Variants in GALNT17 observed in about 807,000 individuals in gnomAD.
GALNT17 encodes the protein polypeptide N-acetylgalactosaminyltransferase 17, also known as UDP-GalNAc:polypeptide N-acetylgalactosaminyltransferase-like 3.
Under a neutral mutation model 63.7 loss-of-function variants are expected in GALNT17, and 29 were observed. The observed-to-expected ratio is 0.46, with a 90% CI of 0.34 to 0.62. The LOEUF (loss-of-function observed/expected upper bound fraction) is 0.62. GALNT17 is among the 20% of genes least tolerant of loss of function. The pLI, the probability that GALNT17 is intolerant of heterozygous loss-of-function variation, is 0.01. For synonymous variants in GALNT17, 305 were observed against 318.3 expected, an observed-to-expected ratio of 0.96 and a Z score of 0.45; for missense variants, 603 against 799.6, an observed-to-expected ratio of 0.75 and a Z score of 2.97.
At chr7:71,466,691 A>G (rs567713835) in intron 5 of GALNT17, among the ~76,000 whole-genome samples, 1 of 152,282 alleles carries the variant, frequency 6.6e-6, no homozygotes, top group South Asian at 2.1e-4. Context: ...TGGCTTCCAC[A>G]GTCCTCATCT....
At chr7:71,530,458 A>C (rs1454497442) in intron 5 of GALNT17, among the ~76,000 whole-genome samples, 2 of 152,186 alleles carry the variant, frequency 1.3e-5, no homozygotes, top group African/African-American at 4.8e-5. Flanking sequence ...GAACACCTAC[A>C]TCAGCAGCCT....
chr7:71,649,935 A>C (rs1359782905), intron 6 of GALNT17, among the ~76,000 whole-genome samples: 1 of 152,178 alleles, frequency 6.6e-6, no homozygotes, highest in East Asian at 1.9e-4. Context: ...CTTCTTTCCA[A>C]GGGGTATCTC....
At position 71,624,896 on chromosome 7, in the gene GALNT17, A is replaced by G. The variant is rs977870269; in HGVS notation, c.1081-40515A>G. ...GTGGATGCTTGTTTCTGCTTCATAC[A>G]TTTCATTCATCATTAGAGCAATGAC... On this transcript the variant is annotated intron_variant, in intron 6 of 10. Transcript: ENST00000333538. 3.3e-5 allele frequency among the ~76,000 whole-genome samples: 5 copies of G among 152,276 alleles called. No individual in the cohort carries two copies. In the South Asian group the frequency reaches 8.3e-4, roughly 25 times the overall value.
At chr7:71,500,399 C>T (rs1240950332) in intron 5 of GALNT17, among the ~76,000 whole-genome samples, 3 of 152,168 alleles carry the variant, frequency 2.0e-5, no homozygotes, top group Non-Finnish European at 4.4e-5. Flanking sequence ...AGACCCTATT[C>T]GTGGTCCTCC....
chr7:71,651,393 C>G (rs575831237), intron 6 of GALNT17, among the ~76,000 whole-genome samples: 41 of 151,468 alleles, frequency 2.7e-4, no homozygotes, highest in African/African-American at 8.7e-4. Flanking sequence ...ACCTCTGCCT[C>G]CCAGGTTTAA....
chr7:71,690,286 A>T (rs1385478009), intron 9 of GALNT17, among the ~76,000 whole-genome samples: 2 of 151,744 alleles, frequency 1.3e-5, no homozygotes, highest in African/African-American at 4.8e-5. Flanking sequence ...GGCCTCCCAA[A>T]GTGTTGGGAT....
chr7:71,187,527 T>G (rs1788873628), intron 1 of GALNT17, among the ~76,000 whole-genome samples: 1 of 152,122 alleles, frequency 6.6e-6, no homozygotes, highest in Non-Finnish European at 1.5e-5. Flanking sequence ...ACCAGTCATG[T>G]TTTTGAAGTA....
chr7:71,210,781 G>C (rs1375974147), intron 1 of GALNT17, among the ~76,000 whole-genome samples: 1 of 152,172 alleles, frequency 6.6e-6, no homozygotes, highest in Non-Finnish European at 1.5e-5. Context: ...AGTAGAAGCA[G>C]AAAGAGCGTT....
chr7:71,600,955 TC>T (rs1278818594), intron 6 of GALNT17, among the ~76,000 whole-genome samples: 1 of 152,012 alleles, frequency 6.6e-6, no homozygotes, highest in Non-Finnish European at 1.5e-5. Context: ...ATTGTATCAT[TC>T]TATGCCTTTG....
chr7:71,697,092 T>C (rs1455340793), intron 9 of GALNT17, among the ~76,000 whole-genome samples: 1 of 152,058 alleles, frequency 6.6e-6, no homozygotes, highest in African/African-American at 2.4e-5. Flanking sequence ...CCTCATATCA[T>C]CTATCAGACT....
chr7:71,522,208 T>A (rs760406942), intron 5 of GALNT17, among the ~76,000 whole-genome samples: 1 of 152,072 alleles, frequency 6.6e-6, no homozygotes, highest in African/African-American at 2.4e-5. Context: ...ATGGTGTCAA[T>A]GTTGGATGCA....
At chr7:71,179,463 T>G (rs1788698174) in intron 1 of GALNT17, among the ~76,000 whole-genome samples, 1 of 152,228 alleles carries the variant, frequency 6.6e-6, no homozygotes, top group Admixed American at 6.5e-5. Context: ...CATCCTCAAC[T>G]TTGGCAGAAT....
At chr7:71,362,329 TG>T (rs1181608407) in intron 2 of GALNT17, among the ~76,000 whole-genome samples, 2 of 152,212 alleles carry the variant, frequency 1.3e-5, no homozygotes, top group African/African-American at 4.8e-5. Context: ...CCTGAGCATG[TG>T]TGTTCATGCT....
intron 1 of GALNT17, among the ~76,000 whole-genome samples, chr7:71,192,645 C>G (rs78385008): frequency 0.12 from 18,267 of 152,218 alleles, 1,279 homozygotes; most frequent in African/African-American, 0.18. Context: ...AGCCACCCAC[C>G]TTGGCCTCCC....
intron 1 of GALNT17, among the ~76,000 whole-genome samples, chr7:71,147,917 A>G (rs919515228): frequency 2.6e-5 from 4 of 152,168 alleles, no homozygotes; most frequent in Non-Finnish European, 4.4e-5. Flanking sequence ...TGCATGAGCC[A>G]CTGCACCAGG....
intron 9 of GALNT17, among the ~76,000 whole-genome samples, chr7:71,690,418 G>C (rs936387220): frequency 1.3e-5 from 2 of 152,016 alleles, no homozygotes; most frequent in Non-Finnish European, 2.9e-5. Flanking sequence ...ATTGATAATG[G>C]TCACCTAGGA....
chr7:71,686,879 A>G (rs1451559225), intron 9 of GALNT17, among the ~76,000 whole-genome samples: 2 of 152,148 alleles, frequency 1.3e-5, no homozygotes, highest in Non-Finnish European at 2.9e-5. Flanking sequence ...TGTGACTAAC[A>G]GGGTCTGCAA....
intron 2 of GALNT17, among the ~76,000 whole-genome samples, chr7:71,362,288 C>T (rs1792418150): frequency 6.6e-6 from 1 of 152,174 alleles, no homozygotes; most frequent in African/African-American, 2.4e-5. Context: ...GTGACTAAAT[C>T]ACTTCTTTGT....
chr7:71,508,870 G>C (rs973743011), intron 5 of GALNT17, among the ~76,000 whole-genome samples: 2 of 152,158 alleles, frequency 1.3e-5, no homozygotes, highest in Admixed American at 1.3e-4. Flanking sequence ...TGGAGCTTCA[G>C]AAGTTCCCAG....
Sources: allele counts gnomAD v4.1 joint callset (sites outside exome capture counted in the v4.1 genomes callset), GRCh38; gene constraint gnomAD v4.1.1; transcripts MANE v1.5; gene names NCBI Gene and HGNC (gene_info 2026-07-23, HGNC 2026-07-21).